KIF6: variants seen among roughly 807,000 people sequenced by gnomAD.
KIF6 encodes kinesin-like protein KIF6.
In KIF6, 106 loss-of-function variants were observed where a neutral mutation model predicts 112.7. That is an observed-to-expected ratio of 0.94 (90% CI 0.80 to 1.11). The LOEUF is 1.11. KIF6 is among the 50% of genes least tolerant of loss of function. KIF6 has a pLI of 0.00. For missense variants in KIF6, 929 were observed against 964.0 expected, an observed-to-expected ratio of 0.96 and a Z score of 0.48; for synonymous variants, 339 against 339.9, an observed-to-expected ratio of 1.00 and a Z score of 0.03.
At chr6:39,524,152 A>AAGAG (rs59374171) in intron 13 of KIF6, among the ~76,000 whole-genome samples, 1,900 of 149,550 alleles carry the variant, frequency 0.013, 40 homozygotes, top group African/African-American at 0.04. Context: ...GTGTGTGTGA[A>AAGAG]AGAGAGAGAG....
In KIF6 at chr6:39,343,252, C is replaced by G; in HGVS notation, c.2428+457G>C. 1 of 1,276,692 alleles carries G rather than the reference C, an allele frequency of 7.8e-7. No individual in the cohort carries two copies. The highest frequency in any genetic ancestry group is 1.0e-6 in the Non-Finnish European group (1 of 983,430). The allele number at this position is 1,276,692 out of a possible 1,614,324, so 79.1% of individuals were successfully genotyped here. ...TGTGATTGTTATGGTGTCCTCGGGC[C>G]TGGGCCTTCAAGCAGTGTTTACACT... On this transcript the variant is annotated intron_variant, in intron 22 of 22. Coordinates refer to ENST00000287152, the MANE Select transcript of KIF6 (RefSeq NM_145027.6). This position sits in a 1 kb window ranked among gnomAD's most constrained non-coding sequence, Gnocchi z 4.1.
intron 22 of KIF6, among the ~76,000 whole-genome samples, chr6:39,339,754 A>T (rs1562105235): frequency 1.3e-5 from 2 of 152,174 alleles, no homozygotes; most frequent in East Asian, 3.9e-4. Context: ...ATACCTGTCC[A>T]CGCCTGCCCC....
In KIF6 at chr6:39,714,687, C is replaced by A. The variant is rs758753667; in HGVS notation, c.251+5G>T. 1 of 1,610,794 alleles carries A rather than the reference C, an allele frequency of 6.2e-7. No homozygotes were observed. The highest frequency in any genetic ancestry group is 1.7e-5 in the Admixed American group (1 of 59,918). ...GCCCACTGAACAAAATATGGGAAAT[C>A]CTACCTCCCAGCAACTGGTTTGGCA... On this transcript the variant is annotated splice_donor_5th_base_variant and intron_variant, in intron 3 of 22. Transcript: ENST00000287152.
chr6:39,406,640 A>C lies in KIF6; in HGVS notation c.1810+13308T>G, dbSNP rs1769106660. ...ATACTGTTTCAACTGCAGCACACAA[A>C]TTTTGGTGGATTTTATTTTTATTTT... On this transcript the variant is annotated intron_variant, in intron 15 of 22. Transcript: ENST00000287152. 2.0e-5 allele frequency among the ~76,000 whole-genome samples: 3 copies of C among 152,300 alleles called. No individual in the cohort carries two copies. The South Asian group carries it at 6.2e-4, about 32-fold the overall frequency.
rs1447300207 is a variant in KIF6 at position 39,651,186 on chromosome 6, T to C, written c.252-11429A>G. 3.3e-5 allele frequency among the ~76,000 whole-genome samples: 5 copies of C among 152,226 alleles called. No homozygotes were observed. In the East Asian group the frequency reaches 9.6e-4, roughly 29 times the overall value. On this transcript the variant is annotated intron_variant, in intron 3 of 22. Coordinates refer to ENST00000287152, the MANE Select transcript of KIF6 (RefSeq NM_145027.6). ...GAGGCCAAGTGAGAAAACTGTGTTT[T>C]CCTAGAGACTCCATCCTTTTCCTTG...
chr6:39,469,270 A>C (rs972037366), intron 13 of KIF6, among the ~76,000 whole-genome samples: 1 of 152,162 alleles, frequency 6.6e-6, no homozygotes, highest in African/African-American at 2.4e-5. Flanking sequence ...ACAGATAAAA[A>C]GGACATGATA....
chr6:39,544,592 C>T lies in KIF6; in HGVS notation c.1389G>A (p.Lys463=). 1 of 1,610,284 alleles carries T rather than the reference C, an allele frequency of 6.2e-7. No homozygotes were observed. The highest frequency in any genetic ancestry group is 8.5e-7 in the Non-Finnish European group (1 of 1,176,948). ...QEPLKEEEYR[K]LRDILKQRDN... ...CTCTCTGTTTCAGAATATCTCGTAG[C>T]TTTCTATATTCTTCTTCTTTTAATG... The change falls in exon 12 of 23, where the codon AAG becomes AAA. Residue 463 remains lysine, a synonymous_variant. Transcript: ENST00000287152.
At chr6:39,619,265 T>A (rs1783689386) in intron 5 of KIF6, among the ~76,000 whole-genome samples, 1 of 152,208 alleles carries the variant, frequency 6.6e-6, no homozygotes. Context: ...CTGGCAAATA[T>A]CTCCTCTAAA....
chr6:39,393,044 T>C (rs1347188255), intron 15 of KIF6, among the ~76,000 whole-genome samples: 1 of 152,174 alleles, frequency 6.6e-6, no homozygotes, highest in African/African-American at 2.4e-5. Flanking sequence ...CCAGGGGACC[T>C]GCAAAGGAGG....
chr6:39,525,955 C>T (rs2150533694), intron 13 of KIF6, among the ~76,000 whole-genome samples: 1 of 152,248 alleles, frequency 6.6e-6, no homozygotes, highest in Middle Eastern at 3.4e-3. Context: ...CTTGTTTTCT[C>T]TTGGTGATTC....
chr6:39,476,214 T>TA (rs11418415), intron 13 of KIF6, among the ~76,000 whole-genome samples: 9,310 of 138,320 alleles, frequency 0.067, 465 homozygotes, highest in East Asian at 0.25. Flanking sequence ...TAAATTAAAT[T>TA]AAAAAAAAAA....
intron 9 of KIF6, among the ~76,000 whole-genome samples, chr6:39,578,633 A>G (rs1182085941): frequency 2.0e-5 from 3 of 152,102 alleles, no homozygotes; most frequent in African/African-American, 4.8e-5. Flanking sequence ...CCCAGCCTCT[A>G]TAATTTTTTT....
chr6:39,403,978 AC>A (rs1442564298), intron 15 of KIF6, among the ~76,000 whole-genome samples: 1 of 152,004 alleles, frequency 6.6e-6, no homozygotes, highest in Non-Finnish European at 1.5e-5. Flanking sequence ...GGCCTTTTGC[AC>A]CCCCACCATT....
chr6:39,675,311 CT>C (rs1287651592), intron 3 of KIF6, among the ~76,000 whole-genome samples: 6 of 152,084 alleles, frequency 3.9e-5, no homozygotes, highest in Non-Finnish European at 8.8e-5. Context: ...GTCAAAGAAA[CT>C]TGCCTTTCTA....
chr6:39,539,366 C>T (rs149741104), intron 13 of KIF6, among the ~76,000 whole-genome samples: 3,297 of 152,164 alleles, frequency 0.022, 47 homozygotes, highest in Non-Finnish European at 0.031. Context: ...ATTTTTGAGA[C>T]AGAGTCTCAC....
At chr6:39,532,790 T>C (rs1237953278) in intron 13 of KIF6, among the ~76,000 whole-genome samples, 1 of 152,214 alleles carries the variant, frequency 6.6e-6, no homozygotes, top group African/African-American at 2.4e-5. Context: ...TTCCAACACA[T>C]GTTTATACAA....
At position 39,586,809 on chromosome 6, in the gene KIF6, G is replaced by T. The variant is rs1172525875; in HGVS notation, c.847-405C>A. 2.0e-5 allele frequency among the ~76,000 whole-genome samples: 3 copies of T among 152,314 alleles called. No homozygotes were observed. The East Asian group carries it at 5.8e-4, about 29-fold the overall frequency. Reference sequence around the variant, plus strand: ...GCAAGAACTAAGGGAAACAGTATAGGATAGTGGTTGAGGTCCCAGATTCTC... The same window carrying T: ...GCAAGAACTAAGGGAAACAGTATAGTATAGTGGTTGAGGTCCCAGATTCTC... On this transcript the variant is annotated intron_variant, in intron 7 of 22. Transcript: ENST00000287152.
intron 11 of KIF6, 27 bp from the exon 12 acceptor site, chr6:39,544,720 C>A: frequency 7.2e-7 from 1 of 1,397,470 alleles, no homozygotes; most frequent in Non-Finnish European, 9.8e-7. Context: ...GAGCTTAGTA[C>A]CCATATCTCT....
At chr6:39,700,428 A>G (rs1425630786) in intron 3 of KIF6, among the ~76,000 whole-genome samples, 1 of 152,236 alleles carries the variant, frequency 6.6e-6, no homozygotes, top group Non-Finnish European at 1.5e-5. Context: ...TAATTTTTCT[A>G]AAAAGATTTA....
Sources: allele counts gnomAD v4.1 joint callset (sites outside exome capture counted in the v4.1 genomes callset), GRCh38; gene constraint gnomAD v4.1.1; non-coding constraint Gnocchi (gnomAD v3.1); transcripts MANE v1.5; gene names NCBI Gene and HGNC (gene_info 2026-07-23, HGNC 2026-07-21).